The following FAP variants were observed in gnomAD, a reference collection of about 807,000 sequenced individuals.
FAP encodes the protein prolyl endopeptidase FAP.
Under a neutral mutation model 126.5 loss-of-function variants are expected in FAP, and 110 were observed. The ratio of observed to expected loss-of-function variants is 0.87; its 90% CI spans 0.74 to 1.02. FAP has a LOEUF of 1.02. Ranked by LOEUF, FAP falls within the 50% of genes least tolerant of loss-of-function variation. The probability of loss-of-function intolerance (pLI) is 0.00; values close to 1 mark genes in which losing one functional copy is unlikely to be tolerated. For missense variants in FAP, 919 were observed against 909.2 expected (o/e 1.01, Z -0.14); for synonymous variants, 334 against 297.3 (o/e 1.12, Z -1.27).
At chr2:162,201,234 T>A (rs1559774597) in intron 14 of FAP, among the ~76,000 whole-genome samples, 1 of 151,350 alleles carries the variant, frequency 6.6e-6, no homozygotes, top group Non-Finnish European at 1.5e-5. Flanking sequence ...TATCAGAAAC[T>A]GTCATTATTT....
chr2:162,194,367 T>C (rs1688162171), intron 17 of FAP, among the ~76,000 whole-genome samples: 2 of 151,828 alleles, frequency 1.3e-5, no homozygotes, highest in Non-Finnish European at 1.5e-5. Flanking sequence ...GATTCTATTT[T>C]GGAAGGAAGA....
At chr2:162,182,860 T>C (rs1687738090) in intron 21 of FAP, among the ~76,000 whole-genome samples, 1 of 152,210 alleles carries the variant, frequency 6.6e-6, no homozygotes, top group Admixed American at 6.5e-5. Context: ...GTGTGAGAAG[T>C]TATCTCCATG....
intron 14 of FAP, among the ~76,000 whole-genome samples, chr2:162,202,039 T>G (rs1688519302): frequency 6.6e-6 from 1 of 152,262 alleles, no homozygotes; most frequent in African/African-American, 2.4e-5. Context: ...CGACAGGCTT[T>G]TATTCCATGA....
At chr2:162,208,463 C>T (rs1688795884) in intron 12 of FAP, among the ~76,000 whole-genome samples, 1 of 152,070 alleles carries the variant, frequency 6.6e-6, no homozygotes, top group Admixed American at 6.5e-5. Flanking sequence ...TTTATAGATG[C>T]TCAAGATAAT....
intron 21 of FAP, among the ~76,000 whole-genome samples, chr2:162,181,574 A>T (rs561539570): frequency 6.6e-6 from 1 of 152,106 alleles, no homozygotes; most frequent in African/African-American, 2.4e-5. Context: ...ATCTTCACCA[A>T]TCTCAAATGC....
intron 12 of FAP, among the ~76,000 whole-genome samples, chr2:162,208,116 C>A (rs1688782304): frequency 6.6e-6 from 1 of 151,400 alleles, no homozygotes; most frequent in African/African-American, 2.4e-5. Flanking sequence ...ATTAGCTGGG[C>A]GTGATGGTGG....
intron 12 of FAP, among the ~76,000 whole-genome samples, chr2:162,203,418 C>A (rs558664667): frequency 6.6e-6 from 1 of 152,058 alleles, no homozygotes; most frequent in African/African-American, 2.4e-5. Context: ...ATTCCTAAGT[C>A]GAAGGTTATG....
chr2:162,197,040 T>G (rs1053798433), intron 16 of FAP, among the ~76,000 whole-genome samples: 2 of 152,188 alleles, frequency 1.3e-5, no homozygotes, highest in African/African-American at 4.8e-5. Context: ...TAATACAAAA[T>G]GTGAGATAGT....
intron 12 of FAP, among the ~76,000 whole-genome samples, chr2:162,203,454 C>G (rs1688577057): frequency 6.6e-6 from 1 of 152,184 alleles, no homozygotes; most frequent in Admixed American, 6.5e-5. Context: ...TTAAAAGAAT[C>G]ACAAACGCAT....
intron 21 of FAP, among the ~76,000 whole-genome samples, chr2:162,178,537 C>T (rs575762229): frequency 3.0e-4 from 45 of 152,252 alleles, no homozygotes; most frequent in African/African-American, 7.2e-4. Flanking sequence ...CAAAATCGCC[C>T]GGTTAACAAC....
intron 11 of FAP, among the ~76,000 whole-genome samples, chr2:162,213,479 A>T (rs1020474703): frequency 1.3e-5 from 2 of 151,948 alleles, no homozygotes; most frequent in African/African-American, 4.8e-5. Flanking sequence ...TTCCTTTAGA[A>T]TTTTTAATTT....
intron 16 of FAP, chr2:162,198,268 A>C: frequency 7.8e-7 from 1 of 1,289,968 alleles, no homozygotes; most frequent in Non-Finnish European, 1.0e-6. Flanking sequence ...CGACGTGGGC[A>C]TCTCGGGTTT....
chr2:162,230,170 A>G (rs543317486), intron 2 of FAP, among the ~76,000 whole-genome samples: 1 of 152,186 alleles, frequency 6.6e-6, no homozygotes, highest in Non-Finnish European at 1.5e-5. Context: ...CAAATTAAGC[A>G]TTCTTCTCTT....
intron 20 of FAP, among the ~76,000 whole-genome samples, chr2:162,185,057 T>C (rs1309207270): frequency 6.6e-6 from 1 of 152,180 alleles, no homozygotes; most frequent in East Asian, 1.9e-4. Flanking sequence ...TAGATAATCT[T>C]AGCACTTCCA....
chr2:162,229,788 C>T (rs1243071920), intron 2 of FAP, among the ~76,000 whole-genome samples: 1 of 152,052 alleles, frequency 6.6e-6, no homozygotes, highest in East Asian at 1.9e-4. Context: ...TCCTAGTTAG[C>T]AATTAATTTT....
At chr2:162,196,320 A>G (rs1688250131) in intron 16 of FAP, among the ~76,000 whole-genome samples, 1 of 152,200 alleles carries the variant, frequency 6.6e-6, no homozygotes, top group African/African-American at 2.4e-5. Context: ...TCAGAATTTT[A>G]TAGAATGTTA....
intron 22 of FAP, among the ~76,000 whole-genome samples, chr2:162,174,317 G>T (rs966969735): frequency 1.2e-4 from 18 of 152,264 alleles, no homozygotes; most frequent in Non-Finnish European, 4.4e-5. Context: ...AGAATCTGAT[G>T]AAGCTAATTT....
intron 16 of FAP, 160 bp downstream of exon 16, chr2:162,198,597 C>T: frequency 2.1e-6 from 2 of 959,174 alleles, no homozygotes; most frequent in Non-Finnish European, 3.1e-6. Context: ...ATAATAATAC[C>T]TTCCTATCCT....
chr2:162,203,195 C>T (rs1488769062), intron 12 of FAP, 50 bp from the exon 13 acceptor site: 1 of 1,275,222 alleles, frequency 7.8e-7, no homozygotes, highest in Non-Finnish European at 1.1e-6. Context: ...CAAACTAAAA[C>T]CATAGATTTT....
Sources: gnomAD v4.1 joint callset for allele counts (sites outside exome capture counted in the v4.1 genomes callset) on GRCh38, gnomAD v4.1.1 for gene constraint, MANE v1.5 for transcripts, NCBI Gene and HGNC (gene_info 2026-07-23, HGNC 2026-07-21) for gene names.